Variants in UBTF observed in about 807,000 individuals in gnomAD.
UBTF encodes the protein nucleolar transcription factor 1.
A neutral mutation model predicts 112.3 loss-of-function variants in UBTF; 8 were observed. The ratio of observed to expected loss-of-function variants is 0.07; its 90% CI spans 0.04 to 0.13. The LOEUF (loss-of-function observed/expected upper bound fraction) is 0.13, where lower values mean the gene tolerates loss of function less well. UBTF is among the 10% of genes least tolerant of loss of function. The probability of loss-of-function intolerance (pLI) is 1.00; values close to 1 mark genes in which losing one functional copy is unlikely to be tolerated. For synonymous variants in UBTF, 417 were observed against 373.1 expected (o/e 1.12, Z -1.36); for missense variants, 457 against 982.1 (o/e 0.47, Z 7.15).
chr17:44,212,120 G>T, intron 8 of UBTF, 114 bp from the exon 9 acceptor site: 1 of 1,136,472 alleles, frequency 8.8e-7, no homozygotes, highest in Non-Finnish European at 1.3e-6. Flanking sequence ...GGGTGGCTGC[G>T]CGTCAGTGGT....
In UBTF at chr17:44,206,282, T is replaced by C. The variant is rs1257874615; in HGVS notation, c.*960A>G. On this transcript the variant is annotated 3_prime_UTR_variant, in exon 21 of 21. Coordinates refer to ENST00000436088, the MANE Select transcript of UBTF (RefSeq NM_014233.4). ...CACTCCCCCTAATGGAATCAGAGAC[T>C]GGGCAAAACAGAGGATGTGGAGAAC... The C allele has an allele frequency of 1.3e-5, 2 of 151,900 alleles. No homozygotes were observed. Among genetic ancestry groups the C allele is most frequent in the African/African-American group, 4.8e-5 (2 of 41,318 alleles). 9.4% of individuals were successfully genotyped at this position (151,900 alleles called of 1,614,324 possible). A position where few individuals can be genotyped will look rare whatever the true frequency, so the allele number is the denominator to read the frequency against.
chr17:44,207,762 C>T lies in UBTF; in HGVS notation c.1962G>A (p.Lys654=). The stretch of plus-strand genomic sequence containing the variant: ...TTGGGCCTCGCAGCTTGGTCATGCT[C>T]TTACGTTTCTGCAGGATGGGGACAC... The part of the protein sequence containing the change: ...AYKEYISNKR[K]SMTKLRGPNP... Residue 654 remains lysine, a synonymous_variant, in exon 19 of 21, where the codon AAG becomes AAA. Coordinates refer to ENST00000436088, the MANE Select transcript of UBTF (RefSeq NM_014233.4). 1 of 1,614,202 alleles carries T rather than the reference C, an allele frequency of 6.2e-7. No homozygotes were observed. The highest frequency in any genetic ancestry group is 8.5e-7 in the Non-Finnish European group (1 of 1,180,040).
intron 1 of UBTF, 88 bp from the exon 2 acceptor site, chr17:44,218,384 G>T (rs1295308364): frequency 8.2e-6 from 6 of 727,666 alleles, no homozygotes; most frequent in Admixed American, 2.7e-5. Flanking sequence ...AAGGGGGCAG[G>T]TCCACACTCT....
In UBTF at chr17:44,207,471, T is replaced by TCTCGTC. The variant is rs2056323924; in HGVS notation, c.2146_2151dup (p.Asp716_Glu717dup). On this transcript the variant is annotated inframe_insertion, in exon 20 of 21. Coordinates refer to ENST00000436088, the MANE Select transcript of UBTF (RefSeq NM_014233.4). ...TGCCCCACCTCATCCCCATCCTCGC[T>TCTCGTC]CTCGTCCTCGCTGCTGGACTCAGAG... 1 of 1,613,728 alleles carries TCTCGTC rather than the reference T, an allele frequency of 6.2e-7. No individual in the cohort carries two copies. Among genetic ancestry groups the TCTCGTC allele is most frequent in the Admixed American group, 1.7e-5 (1 of 59,974 alleles).
At chr17:44,208,027 C>A (rs541462210) in intron 17 of UBTF, 116 bp from the exon 18 acceptor site, 59 of 1,313,328 alleles carry the variant, frequency 4.5e-5, no homozygotes, top group Non-Finnish European at 5.7e-5. Flanking sequence ...CCATCTTACC[C>A]CTCCCAGGCT....
chr17:44,210,399 C>T lies in UBTF; in HGVS notation c.1434G>A (p.Arg478=), dbSNP rs749581261. The change falls in exon 14 of 21, where the codon CGG becomes CGA. Residue 478 remains arginine (R), a synonymous_variant. Coordinates refer to ENST00000436088, the MANE Select transcript of UBTF (RefSeq NM_014233.4). ...TTTTGGGGGACTCGGGCAGCTTGCCCCGTTCCTCGCGCTCCCCGCCGGGCT... is the reference window on the plus strand; with the variant it reads ...TTTTGGGGGACTCGGGCAGCTTGCCTCGTTCCTCGCGCTCCCCGCCGGGCT... The part of the protein sequence containing the change: ...ERKPGGEREE[R]GKLPESPKRA... 7.4e-6 allele frequency: 12 copies of T among 1,614,036 alleles called. No homozygotes were observed. In the Admixed American group the frequency reaches 1.5e-4, roughly 20 times the overall value.
chr17:44,216,458 A>G (rs2046851276), intron 3 of UBTF, 71 bp downstream of exon 3: 2 of 1,558,806 alleles, frequency 1.3e-6, no homozygotes, highest in African/African-American at 2.7e-5. Flanking sequence ...TCCTGTTTAC[A>G]GCCTGTTTCA....
intron 2 of UBTF, among the ~76,000 whole-genome samples, chr17:44,217,930 G>A (rs1274934714): frequency 6.6e-6 from 1 of 152,190 alleles, no homozygotes; most frequent in Non-Finnish European, 1.5e-5. Flanking sequence ...CAGAAGGCAG[G>A]CCTCCTCTAA....
chr17:44,212,148 G>A (rs1194192524), intron 8 of UBTF, 142 bp from the exon 9 acceptor site: 8 of 560,446 alleles, frequency 1.4e-5, no homozygotes, highest in Admixed American at 6.6e-5. Flanking sequence ...GAGACGTGGT[G>A]CCCTGCCCTG....
rs1343068016 is a variant in UBTF, at chr17:44,219,562, GCTC to G, written c.-188_-186del. On this transcript the variant is annotated 5_prime_UTR_variant, in exon 1 of 21. Transcript: ENST00000436088. ...GCAGCTCCCTCCCGCGGCGGCAGCG[GCTC>G]CTCCTCCGGGCGAGGCGGCGGCGCT... 6.3e-6 allele frequency: 1 copy of G among 158,056 alleles called. No individual in the cohort carries two copies. Among genetic ancestry groups the G allele is most frequent in the Non-Finnish European group, 1.4e-5 (1 of 73,040 alleles). The allele number at this position is 158,056 out of a possible 1,614,324, so 9.8% of individuals were successfully genotyped here.
Position 44,213,297 on chromosome 17 carries a change from G to A in UBTF, c.475-15C>T, listed in dbSNP as rs374466885. The A allele has an allele frequency of 7.4e-6, 12 of 1,612,228 alleles. No homozygotes were observed. In the South Asian group the frequency reaches 8.8e-5, roughly 12 times the overall value. On this transcript the variant is annotated splice_polypyrimidine_tract_variant and intron_variant, in intron 5 of 20. Transcript: ENST00000436088. The stretch of plus-strand genomic sequence containing the variant: ...ATATATTTCATCTGGGGGGAGGAGG[G>A]GATGGGGTCACTCAGGACCCAAGGG...
chr17:44,210,109 C>CA lies in UBTF; in HGVS notation c.1626+14dup, dbSNP rs1176057846. 1 of 1,613,922 alleles carries CA rather than the reference C, an allele frequency of 6.2e-7. No homozygotes were observed. The highest frequency in any genetic ancestry group is 1.1e-5 in the South Asian group (1 of 91,076). On this transcript the variant is annotated intron_variant, in intron 15 of 20. Transcript: ENST00000436088. ...GAGCTTTCAATGAATGGGGTGGCCC[C>CA]AGCCCCATTCCTACCTCATATCGCT...
In UBTF at chr17:44,205,823, G is replaced by T. The variant is rs528010946; in HGVS notation, c.*1419C>A. ...AAAAAATAAGAACTACAGAGATAAG[G>T]TGGCTTGGCTTATTAAGAGTCAAGG... On this transcript the variant is annotated 3_prime_UTR_variant, in exon 21 of 21. Transcript: ENST00000436088. 67 of 152,362 alleles carry T rather than the reference G, an allele frequency of 4.4e-4. No individual in the cohort carries two copies. The highest frequency in any genetic ancestry group is 1.4e-3 in the African/African-American group (60 of 41,582). 9.4% of individuals were successfully genotyped at this position (152,362 alleles called of 1,614,324 possible).
Position 44,211,280 on chromosome 17 carries a change from G to A in UBTF, c.1089+10C>T, listed in dbSNP as rs1344700990. The A allele has an allele frequency of 9.3e-6, 15 of 1,614,212 alleles. No individual in the cohort carries two copies. Among genetic ancestry groups the A allele is most frequent in the East Asian group, 2.2e-5 (1 of 44,890 alleles). Reference sequence around the variant, plus strand: ...TTCTCTGCCCACTGCCCCACCGGAGGAACACTCACCTCGAGGAAACGGAGC... The same window carrying A: ...TTCTCTGCCCACTGCCCCACCGGAGAAACACTCACCTCGAGGAAACGGAGC... On this transcript the variant is annotated intron_variant, in intron 11 of 20. Coordinates refer to ENST00000436088, the MANE Select transcript of UBTF (RefSeq NM_014233.4). The surrounding 1 kb of genome is among the most constrained non-coding windows in gnomAD (Gnocchi z 4.9).
At position 44,215,750 on chromosome 17, in the gene UBTF, C is replaced by T. The variant is rs2046814142; in HGVS notation, c.378G>A (p.Lys126=). The change falls in exon 5 of 21, where the codon AAG becomes AAA. Residue 126 remains lysine (K), a synonymous_variant. Coordinates refer to ENST00000436088, the MANE Select transcript of UBTF (RefSeq NM_014233.4). ...GGTGGAGTTTCGCATACTTGGCCCG[C>T]TTCTCCATGAAGAAGCGGAAATAAG... The part of the protein sequence containing the change: ...LTPYFRFFME[K]RAKYAKLHPE... 6.2e-7 allele frequency: 1 copy of T among 1,614,030 alleles called. No individual in the cohort carries two copies. The highest frequency in any genetic ancestry group is 1.7e-5 in the Admixed American group (1 of 60,002).
chr17:44,206,561 C>T lies in UBTF; in HGVS notation c.*681G>A, dbSNP rs1465813423. The T allele has an allele frequency of 6.7e-6, 1 of 149,672 alleles. No homozygotes were observed. Among genetic ancestry groups the T allele is most frequent in the Non-Finnish European group, 1.5e-5 (1 of 67,570 alleles). The allele number at this position is 149,672 out of a possible 1,614,324, so 9.3% of individuals were successfully genotyped here. Reference sequence around the variant, plus strand: ...AAATCTACCCCTAAACCCTCCCTCTCCCAGAAATGACAACAGAGACGGCAG... The same window carrying T: ...AAATCTACCCCTAAACCCTCCCTCTTCCAGAAATGACAACAGAGACGGCAG... On this transcript the variant is annotated 3_prime_UTR_variant, in exon 21 of 21. Transcript: ENST00000436088.
intron 5 of UBTF, among the ~76,000 whole-genome samples, chr17:44,214,972 G>A (rs116300899): frequency 9.2e-4 from 140 of 152,308 alleles, no homozygotes; most frequent in African/African-American, 3.3e-3. Context: ...CTGTGACTGA[G>A]CCCTGCCTGG....
chr17:44,218,427 G>A, intron 1 of UBTF, 131 bp from the exon 2 acceptor site: 3 of 571,580 alleles, frequency 5.2e-6, no homozygotes, highest in Non-Finnish European at 9.2e-6. Context: ...TTAGACTTAA[G>A]GGGTCTATGG....
chr17:44,208,919 T>C, intron 17 of UBTF: 1 of 359,970 alleles, frequency 2.8e-6, no homozygotes, highest in East Asian at 1.2e-4. Context: ...GGACGGTGGC[T>C]CAAGCCTGTA....
Sources: allele counts gnomAD v4.1 joint callset (sites outside exome capture counted in the v4.1 genomes callset), GRCh38; gene constraint gnomAD v4.1.1; non-coding constraint Gnocchi (gnomAD v3.1); transcripts MANE v1.5; gene names NCBI Gene and HGNC (gene_info 2026-07-23, HGNC 2026-07-21).